The following GNAQ variants were observed in gnomAD, a reference collection of about 807,000 sequenced individuals.
GNAQ encodes G protein subunit alpha q, also known as guanine nucleotide-binding protein G(q) subunit alpha.
A neutral mutation model predicts 43.9 loss-of-function variants in GNAQ; 8 were observed. The ratio of observed to expected loss-of-function variants is 0.18; its 90% CI spans 0.11 to 0.33. The LOEUF is 0.33. Ranked by LOEUF, GNAQ falls within the 10% of genes least tolerant of loss-of-function variation. The pLI, the probability that GNAQ is intolerant of heterozygous loss-of-function variation, is 1.00. For synonymous variants in GNAQ, 155 were observed against 170.7 expected, an observed-to-expected ratio of 0.91 and a Z score of 0.71; for missense variants, 158 against 450.8, an observed-to-expected ratio of 0.35 and a Z score of 5.88.
chr9:77,993,276 A>C (rs1260797581), intron 1 of GNAQ, among the ~76,000 whole-genome samples: 3 of 151,790 alleles, frequency 2.0e-5, no homozygotes, highest in African/African-American at 7.2e-5. Context: ...AACAGTTGAT[A>C]TATAATATAT....
intron 2 of GNAQ, among the ~76,000 whole-genome samples, chr9:77,912,528 T>C (rs983884259): frequency 3.3e-5 from 5 of 152,012 alleles, no homozygotes; most frequent in African/African-American, 1.2e-4. Context: ...AAAGCAATTA[T>C]TAGAAGGGGA....
chr9:77,762,603 A>G (rs1183286557), intron 5 of GNAQ, among the ~76,000 whole-genome samples: 1 of 150,826 alleles, frequency 6.6e-6, no homozygotes, highest in Non-Finnish European at 1.5e-5. Context: ...GGTGTGACCA[A>G]CAGCCCATTG....
chr9:77,999,529 C>G (rs1167658922), intron 1 of GNAQ, among the ~76,000 whole-genome samples: 2 of 152,110 alleles, frequency 1.3e-5, no homozygotes, highest in Admixed American at 1.3e-4. Context: ...TTACATAATG[C>G]CGATCTGCAC....
At chr9:77,777,997 A>T (rs558688268) in intron 5 of GNAQ, among the ~76,000 whole-genome samples, 2 of 152,148 alleles carry the variant, frequency 1.3e-5, no homozygotes, top group African/African-American at 4.8e-5. Flanking sequence ...AACCATTTGA[A>T]TAATTTGAAT....
chr9:77,793,780 A>G (rs1052050376), intron 5 of GNAQ, among the ~76,000 whole-genome samples: 3 of 152,230 alleles, frequency 2.0e-5, no homozygotes, highest in Middle Eastern at 6.8e-3. Flanking sequence ...TAATCGATTC[A>G]TCGTCAGGTC....
intron 5 of GNAQ, among the ~76,000 whole-genome samples, chr9:77,736,472 A>G (rs988337921): frequency 2.6e-5 from 4 of 152,220 alleles, no homozygotes; most frequent in African/African-American, 9.6e-5. Flanking sequence ...TTTGCAAGCA[A>G]TTATTTGAGA....
intron 2 of GNAQ, among the ~76,000 whole-genome samples, chr9:77,859,338 G>T (rs1002651200): frequency 5.9e-5 from 9 of 152,062 alleles, no homozygotes; most frequent in Non-Finnish European, 1.3e-4. Context: ...TCCCTTAATG[G>T]ATTTGTTTTG....
chr9:77,821,451 A>G (rs572137810), intron 2 of GNAQ, among the ~76,000 whole-genome samples: 3 of 151,522 alleles, frequency 2.0e-5, no homozygotes, highest in Non-Finnish European at 2.9e-5. Context: ...ATATTCTTCT[A>G]TTTGGTTCTT....
chr9:77,881,678 C>T (rs1336715822), intron 2 of GNAQ, among the ~76,000 whole-genome samples: 1 of 152,140 alleles, frequency 6.6e-6, no homozygotes, highest in African/African-American at 2.4e-5. Flanking sequence ...GCCACCATGC[C>T]TGGCTGGTTG....
chr9:77,947,607 T>G (rs557924470), intron 1 of GNAQ, among the ~76,000 whole-genome samples: 2 of 152,310 alleles, frequency 1.3e-5, no homozygotes, highest in Admixed American at 1.3e-4. Context: ...TACCCATACA[T>G]GCCCCTTTAT....
chr9:77,765,555 C>T (rs943182958), intron 5 of GNAQ, among the ~76,000 whole-genome samples: 5 of 152,042 alleles, frequency 3.3e-5, no homozygotes, highest in Admixed American at 6.5e-5. Context: ...AATCAAACCA[C>T]GATGAGATAC....
At chr9:77,743,069 C>A (rs184298053) in intron 5 of GNAQ, among the ~76,000 whole-genome samples, 2 of 152,110 alleles carry the variant, frequency 1.3e-5, no homozygotes, top group African/African-American at 4.8e-5. Context: ...ACCACCCTGG[C>A]TAACACGGTG....
At chr9:77,918,607 C>G (rs1051065152) in intron 2 of GNAQ, among the ~76,000 whole-genome samples, 21 of 152,118 alleles carry the variant, frequency 1.4e-4, no homozygotes, top group African/African-American at 5.1e-4. Flanking sequence ...ACATCCTAAA[C>G]CATTTTCTAG....
At chr9:77,860,439 T>A (rs866696055) in intron 2 of GNAQ, among the ~76,000 whole-genome samples, 1 of 152,176 alleles carries the variant, frequency 6.6e-6, no homozygotes. Flanking sequence ...CTATAAAGAC[T>A]GTGGAATGCT....
At position 77,719,581 on chromosome 9, in the gene GNAQ, A is replaced by C. The variant is rs1374901516; in HGVS notation, c.*1742T>G. 2 of 232,660 alleles carry C rather than the reference A, an allele frequency of 8.6e-6. No individual in the cohort carries two copies. Among genetic ancestry groups the C allele is most frequent in the Non-Finnish European group, 1.7e-5 (2 of 117,762 alleles). The allele number at this position is 232,660 out of a possible 1,614,324, so 14.4% of individuals were successfully genotyped here. ...TGTTCCAAAAGAGTGATTTATATGG[A>C]AGTTTACACTAGTGCCAAATACCAC... On this transcript the variant is annotated 3_prime_UTR_variant, in exon 7 of 7. Transcript: ENST00000286548.
chr9:77,810,952 A>G (rs1826911658), intron 3 of GNAQ, among the ~76,000 whole-genome samples: 2 of 152,220 alleles, frequency 1.3e-5, no homozygotes, highest in South Asian at 4.1e-4. Flanking sequence ...ATAGGAGTTC[A>G]TCAGAGAGAA....
intron 2 of GNAQ, among the ~76,000 whole-genome samples, chr9:77,863,172 A>T (rs1332615581): frequency 6.7e-6 from 1 of 149,884 alleles, no homozygotes; most frequent in East Asian, 1.9e-4. Flanking sequence ...GAAACTCCGT[A>T]TGAAAGAAAG....
At chr9:77,882,680 T>C (rs1047957210) in intron 2 of GNAQ, among the ~76,000 whole-genome samples, 2 of 151,986 alleles carry the variant, frequency 1.3e-5, no homozygotes, top group African/African-American at 4.8e-5. Context: ...CAGTTTTTGG[T>C]GAGATAGAAA....
chr9:77,888,727 G>T (rs183680051), intron 2 of GNAQ, among the ~76,000 whole-genome samples: 15 of 152,228 alleles, frequency 9.9e-5, no homozygotes, highest in East Asian at 9.7e-4. Context: ...TGGAAAAAAA[G>T]TGAGGTTTAT....
Sources: allele counts gnomAD v4.1 joint callset (sites outside exome capture counted in the v4.1 genomes callset), GRCh38; gene constraint gnomAD v4.1.1; transcripts MANE v1.5; gene names NCBI Gene and HGNC (gene_info 2026-07-23, HGNC 2026-07-21).